The following QTMAN variants were observed in gnomAD, a reference collection of about 807,000 sequenced individuals.
QTMAN encodes the protein queuosine-tRNA mannosyltransferase.
At chr2:143,989,431 AG>A in the QTMAN span, among the ~76,000 whole-genome samples, 151 of 152,286 alleles carry the variant, frequency 9.9e-4, 1 homozygote, top group African/African-American at 3.5e-3. Flanking sequence ...AGGGACATAC[AG>A]GGTAAGTCCC....
At chr2:143,948,209 C>T in the QTMAN span, among the ~76,000 whole-genome samples, 1 of 152,114 alleles carries the variant, frequency 6.6e-6, no homozygotes, top group East Asian at 1.9e-4. Flanking sequence ...ATCAAGATAA[C>T]CACAAATGGC....
the QTMAN span, among the ~76,000 whole-genome samples, chr2:144,314,308 T>A: frequency 6.6e-6 from 1 of 152,190 alleles, no homozygotes; most frequent in Non-Finnish European, 1.5e-5. Flanking sequence ...ATATACTCTA[T>A]CATCTCATAT....
the QTMAN span, among the ~76,000 whole-genome samples, chr2:143,984,797 T>C: frequency 6.6e-6 from 1 of 152,312 alleles, no homozygotes; most frequent in Admixed American, 6.5e-5. Flanking sequence ...TGGGGATGGC[T>C]GAGCTCCAGG....
chr2:144,009,524 A>G, the QTMAN span, among the ~76,000 whole-genome samples: 1 of 152,140 alleles, frequency 6.6e-6, no homozygotes, highest in Non-Finnish European at 1.5e-5. Flanking sequence ...TTTGTTTCAT[A>G]AAGATCTTTA....
chr2:144,165,938 T>G, the QTMAN span, among the ~76,000 whole-genome samples: 1 of 152,120 alleles, frequency 6.6e-6, no homozygotes, highest in Non-Finnish European at 1.5e-5. Context: ...CTAACTAATC[T>G]TATTTCAAAG....
chr2:144,311,622 T>C, the QTMAN span, among the ~76,000 whole-genome samples: 18 of 152,362 alleles, frequency 1.2e-4, 1 homozygote, highest in Middle Eastern at 0.01. Flanking sequence ...CCCATTTCCA[T>C]GGCTTTGTTT....
chr2:143,943,162 A>G, the QTMAN span: 1 of 151,578 alleles, frequency 6.6e-6, no homozygotes, highest in Non-Finnish European at 1.5e-5. Context: ...TTAATCACAC[A>G]TGTCTGTATC....
chr2:144,308,942 C>T, the QTMAN span, among the ~76,000 whole-genome samples: 1 of 152,098 alleles, frequency 6.6e-6, no homozygotes, highest in Non-Finnish European at 1.5e-5. Flanking sequence ...AACAATCCAA[C>T]GTTTTTTAAT....
chr2:144,080,713 C>T, the QTMAN span, among the ~76,000 whole-genome samples: 1 of 152,080 alleles, frequency 6.6e-6, no homozygotes, highest in African/African-American at 2.4e-5. Flanking sequence ...TTGCAAGTCA[C>T]CAGTACTTAA....
At chr2:144,051,032 G>A in the QTMAN span, among the ~76,000 whole-genome samples, 2 of 152,094 alleles carry the variant, frequency 1.3e-5, no homozygotes, top group Non-Finnish European at 2.9e-5. Flanking sequence ...TACAAATTTT[G>A]TTAGAAGCTG....
the QTMAN span, among the ~76,000 whole-genome samples, chr2:144,190,556 C>A: frequency 6.6e-6 from 1 of 152,028 alleles, no homozygotes; most frequent in Non-Finnish European, 1.5e-5. Flanking sequence ...CAAAGGAAAC[C>A]AAGTGCCTTT....
the QTMAN span, among the ~76,000 whole-genome samples, chr2:144,069,297 CAAAA>C: frequency 1.2e-5 from 1 of 85,500 alleles, no homozygotes; most frequent in African/African-American, 3.6e-5. Flanking sequence ...GAATCTTTTA[CAAAA>C]AAAAAAAAAA....
At chr2:144,112,060 T>G in the QTMAN span, among the ~76,000 whole-genome samples, 1 of 152,354 alleles carries the variant, frequency 6.6e-6, no homozygotes, top group Non-Finnish European at 1.5e-5. Context: ...TGGTTCTTTA[T>G]TCCTAGAAAG....
chr2:144,084,159 G>A, the QTMAN span, among the ~76,000 whole-genome samples: 1 of 152,144 alleles, frequency 6.6e-6, no homozygotes. Context: ...GTGCCACGAG[G>A]ACCAGTATTC....
chr2:143,982,880 GATA>G, the QTMAN span, among the ~76,000 whole-genome samples: 1 of 143,688 alleles, frequency 7.0e-6, no homozygotes, highest in African/African-American at 2.5e-5. Flanking sequence ...AAAAAGAATA[GATA>G]ATAATAGATA....
chr2:143,982,385 T>C, the QTMAN span, among the ~76,000 whole-genome samples: 23,377 of 151,406 alleles, frequency 0.15, 3,420 homozygotes, highest in African/African-American at 0.37. Context: ...CATGCACCAC[T>C]ACGCCCAGCT....
At chr2:144,149,992 C>G in the QTMAN span, among the ~76,000 whole-genome samples, 2 of 151,926 alleles carry the variant, frequency 1.3e-5, no homozygotes, top group African/African-American at 2.4e-5. Flanking sequence ...GGCAGGCATT[C>G]AATATTCCAG....
the QTMAN span, among the ~76,000 whole-genome samples, chr2:144,056,174 A>C: frequency 6.6e-6 from 1 of 152,222 alleles, no homozygotes; most frequent in African/African-American, 2.4e-5. Context: ...GCCAGTACTA[A>C]ACTTTAGCCA....
chr2:144,199,135 C>A, the QTMAN span, among the ~76,000 whole-genome samples: 1 of 151,880 alleles, frequency 6.6e-6, no homozygotes, highest in African/African-American at 2.4e-5. Flanking sequence ...GCAACTTCCA[C>A]CTCCCAGGTT....
Sources: allele counts gnomAD v4.1 joint callset (sites outside exome capture counted in the v4.1 genomes callset), GRCh38; gene constraint gnomAD v4.1.1; transcripts MANE v1.5; gene names NCBI Gene and HGNC (gene_info 2026-07-23, HGNC 2026-07-21).